AP1B1: variants seen among roughly 807,000 people sequenced by gnomAD.
AP1B1 encodes the protein adaptor related protein complex 1 subunit beta 1.
In AP1B1, 36 loss-of-function variants were observed where a neutral mutation model predicts 104.3. The ratio of observed to expected loss-of-function variants is 0.35; its 90% CI spans 0.26 to 0.46. AP1B1 has a LOEUF of 0.46. AP1B1 is among the 20% of genes least tolerant of loss of function. The pLI, the probability that AP1B1 is intolerant of heterozygous loss-of-function variation, is 1.00. For synonymous variants in AP1B1, 504 were observed against 517.5 expected, an observed-to-expected ratio of 0.97 and a Z score of 0.35; for missense variants, 901 against 1,247.9, an observed-to-expected ratio of 0.72 and a Z score of 4.19.
intron 19 of AP1B1, among the ~76,000 whole-genome samples, chr22:29,331,067 G>A (rs2061550127): frequency 6.6e-6 from 1 of 152,218 alleles, no homozygotes; most frequent in East Asian, 1.9e-4. Context: ...GCAGCCAGGG[G>A]CAGGGTGCAG....
intron 4 of AP1B1, 45 bp from the exon 5 acceptor site, chr22:29,359,016 A>AT (rs749224474): frequency 6.4e-7 from 1 of 1,552,912 alleles, no homozygotes; most frequent in Non-Finnish European, 8.7e-7. Context: ...GGGATGAGCC[A>AT]TCTGTGGCTT....
chr22:29,362,370 T>C (rs530497108), intron 3 of AP1B1, among the ~76,000 whole-genome samples: 1 of 151,680 alleles, frequency 6.6e-6, no homozygotes, highest in Non-Finnish European at 1.5e-5. Context: ...TTTTTGAGAC[T>C]GAGTCTCGCT....
At chr22:29,378,585 C>T (rs572830378) in intron 1 of AP1B1, among the ~76,000 whole-genome samples, 8 of 141,644 alleles carry the variant, frequency 5.6e-5, no homozygotes, top group Non-Finnish European at 6.1e-5. Context: ...AAAGGCCGGG[C>T]GCAGTGGCTC....
intron 17 of AP1B1, 90 bp downstream of exon 17, chr22:29,334,175 A>C (rs1602690251): frequency 2.5e-4 from 263 of 1,047,532 alleles, no homozygotes; most frequent in East Asian, 5.0e-4. Flanking sequence ...TACAGCCCCC[A>C]CCCCTGCCTG....
chr22:29,352,745 A>G (rs1183168428), intron 7 of AP1B1, among the ~76,000 whole-genome samples: 1 of 152,240 alleles, frequency 6.6e-6, no homozygotes, highest in African/African-American at 2.4e-5. Flanking sequence ...CCTCGGCAAC[A>G]GAGTGAGACC....
chr22:29,378,767 G>T (rs1191531004), intron 1 of AP1B1, among the ~76,000 whole-genome samples: 1 of 150,446 alleles, frequency 6.6e-6, no homozygotes, highest in African/African-American at 2.5e-5. Context: ...GCTGAGGCAG[G>T]AGAATGGTGT....
intron 3 of AP1B1, among the ~76,000 whole-genome samples, chr22:29,362,519 G>C (rs1294632055): frequency 6.6e-6 from 1 of 151,936 alleles, no homozygotes; most frequent in Non-Finnish European, 1.5e-5. Context: ...GCTACTTTTT[G>C]TATTTTTAGT....
intron 1 of AP1B1, among the ~76,000 whole-genome samples, chr22:29,377,725 C>T (rs954933109): frequency 1.3e-5 from 2 of 151,330 alleles, no homozygotes; most frequent in East Asian, 1.9e-4. Context: ...CAAGGAGAAT[C>T]GCTTGAACCT....
chr22:29,339,772 C>T lies in AP1B1; in HGVS notation c.2001G>A (p.Met667Ile), dbSNP rs147293466. 22 of 1,607,642 alleles carry T rather than the reference C, an allele frequency of 1.4e-5. No homozygotes were observed. Among genetic ancestry groups the T allele is most frequent in the African/African-American group, 8.1e-5 (6 of 74,332 alleles). ...ACCATACCCCTTCAGGCTCATCCCC[C>T]ATCTCCAAGCAGAAGCAGGCAGGTG... The part of the protein sequence containing the change: ...DLLGGGLDSL[M>I]GDEPEGIGGT... The change falls in exon 15 of 23, where the codon ATG (methionine) becomes ATA (isoleucine). Residue 667 changes from methionine (M) to isoleucine (I), a missense_variant and splice_region_variant. Coordinates refer to ENST00000357586, the MANE Select transcript of AP1B1 (RefSeq NM_001127.4).
chr22:29,388,559 C>A lies in AP1B1; in HGVS notation c.-163G>T, dbSNP rs2062573484. 6.6e-6 allele frequency: 1 copy of A among 152,236 alleles called. No individual in the cohort carries two copies. The highest frequency in any genetic ancestry group is 1.5e-5 in the Non-Finnish European group (1 of 68,068). 9.4% of individuals were successfully genotyped at this position (152,236 alleles called of 1,614,324 possible). On this transcript the variant is annotated 5_prime_UTR_variant, in exon 1 of 23. Transcript: ENST00000357586. Reference sequence around the variant, plus strand: ...AGCCCCGCGGCTGTCACCTGCCGGGCGGAAGTGAGCTGCCCGCGCGCGGGT... The same window carrying A: ...AGCCCCGCGGCTGTCACCTGCCGGGAGGAAGTGAGCTGCCCGCGCGCGGGT...
Position 29,341,514 on chromosome 22 carries a change from G to A in AP1B1, c.1783C>T (p.Pro595Ser). Residue 595 changes from proline to serine, a missense_variant, in exon 13 of 23, where the codon CCT becomes TCT. By Grantham distance (74) the Pro-to-Ser change is moderately conservative. Coordinates refer to ENST00000357586, the MANE Select transcript of AP1B1 (RefSeq NM_001127.4). ...AGTCTCACTCACGAGGCCGTGCGAG[G>A]TGGCAGGCTCTTGTGCACGACGCCC... ...GRGVVHKSLP[P>S]RTASSESAES... 1 of 1,612,966 alleles carries A rather than the reference G, an allele frequency of 6.2e-7. No homozygotes were observed. The highest frequency in any genetic ancestry group is 8.5e-7 in the Non-Finnish European group (1 of 1,179,138).
At chr22:29,338,000 G>A (rs921564945) in intron 16 of AP1B1, among the ~76,000 whole-genome samples, 7 of 152,192 alleles carry the variant, frequency 4.6e-5, no homozygotes, top group Admixed American at 2.0e-4. Context: ...AGCCTGGCCC[G>A]CCAGCCTTGC....
At chr22:29,342,464 T>A in intron 11 of AP1B1, 81 bp from the exon 12 acceptor site, 1 of 1,184,590 alleles carries the variant, frequency 8.4e-7, no homozygotes, top group Non-Finnish European at 1.2e-6. Flanking sequence ...TGAAGAGGAA[T>A]AGGGTGTTCA....
At chr22:29,385,112 T>C (rs1486654597) in intron 1 of AP1B1, among the ~76,000 whole-genome samples, 1 of 150,798 alleles carries the variant, frequency 6.6e-6, no homozygotes, top group Non-Finnish European at 1.5e-5. Flanking sequence ...AGGCCAGGTG[T>C]GGTGGCTCAC....
At chr22:29,341,209 C>T (rs1218944914) in intron 13 of AP1B1, among the ~76,000 whole-genome samples, 1 of 152,242 alleles carries the variant, frequency 6.6e-6, no homozygotes, top group African/African-American at 2.4e-5. Context: ...TGAGACAGAA[C>T]TGGTCTGAGT....
intron 17 of AP1B1, among the ~76,000 whole-genome samples, chr22:29,332,501 G>A (rs2147934259): frequency 6.6e-6 from 1 of 152,376 alleles, no homozygotes; most frequent in Admixed American, 6.5e-5. Context: ...AGACACGCCA[G>A]CAGCAGGCTC....
chr22:29,338,870 A>C (rs2061673680), intron 16 of AP1B1, 120 bp downstream of exon 16: 3 of 1,402,178 alleles, frequency 2.1e-6, no homozygotes, highest in Non-Finnish European at 9.7e-7. Context: ...TGTGGCCCCC[A>C]GCTTCCCTCA....
intron 4 of AP1B1, 47 bp downstream of exon 4, chr22:29,359,777 G>A (rs1226347947): frequency 3.2e-6 from 5 of 1,578,134 alleles, no homozygotes; most frequent in East Asian, 4.5e-5. Flanking sequence ...AGGGGAGACA[G>A]AGCCTTAAGC....
At chr22:29,349,944 G>A in intron 10 of AP1B1, 91 bp downstream of exon 10, 2 of 1,006,930 alleles carry the variant, frequency 2.0e-6, no homozygotes, top group Non-Finnish European at 3.1e-6. Context: ...CAAGAAGTAA[G>A]GAAGAGGAGA....
Sources: gnomAD v4.1 joint callset for allele counts (sites outside exome capture counted in the v4.1 genomes callset) on GRCh38, gnomAD v4.1.1 for gene constraint, MANE v1.5 for transcripts, NCBI Gene and HGNC (gene_info 2026-07-23, HGNC 2026-07-21) for gene names.